FNDC3B: variants seen among roughly 807,000 people sequenced by gnomAD.
FNDC3B encodes fibronectin type III domain-containing protein 3B.
A neutral mutation model predicts 151.5 loss-of-function variants in FNDC3B; 12 were observed. The observed-to-expected ratio is 0.08, with a 90% CI of 0.05 to 0.13. FNDC3B has a LOEUF of 0.13. Ranked by LOEUF, FNDC3B falls within the 10% of genes least tolerant of loss-of-function variation. The pLI, the probability that FNDC3B is intolerant of heterozygous loss-of-function variation, is 1.00. For missense variants in FNDC3B, 1,214 were observed against 1,505.3 expected (o/e 0.81, Z 3.20); for synonymous variants, 528 against 549.0 (o/e 0.96, Z 0.54).
chr3:172,362,132 T>C (rs986391352), intron 22 of FNDC3B, among the ~76,000 whole-genome samples: 2 of 152,356 alleles, frequency 1.3e-5, no homozygotes, highest in African/African-American at 4.8e-5. Flanking sequence ...AATATCTGCA[T>C]GCTTAGCTCT....
chr3:172,359,190 AT>A (rs903832957), intron 22 of FNDC3B, among the ~76,000 whole-genome samples: 5 of 152,074 alleles, frequency 3.3e-5, no homozygotes, highest in South Asian at 4.1e-4. Context: ...TCAAATCTAA[AT>A]TTTTTTTATA....
intron 3 of FNDC3B, among the ~76,000 whole-genome samples, chr3:172,152,931 C>T (rs2108604926): frequency 6.6e-6 from 1 of 152,230 alleles, no homozygotes; most frequent in Middle Eastern, 3.4e-3. Context: ...TGAATCCATC[C>T]TGTGAGGTAT....
rs1219943605 is a variant in FNDC3B, at chr3:172,247,409, A to G, written c.265-124A>G. 3.0e-6 allele frequency: 3 copies of G among 1,006,672 alleles called. No individual in the cohort carries two copies. In the African/African-American group the frequency reaches 4.9e-5, roughly 16 times the overall value. 62.4% of individuals were successfully genotyped at this position (1,006,672 alleles called of 1,614,324 possible). On this transcript the variant is annotated intron_variant, in intron 4 of 25. Transcript: ENST00000415807. Reference sequence around the variant, plus strand: ...GGTTGAACTAGAGAACCAGAATACAACATGCATTTGTTTTTTTCTATGGTG... The same window carrying G: ...GGTTGAACTAGAGAACCAGAATACAGCATGCATTTGTTTTTTTCTATGGTG...
intron 2 of FNDC3B, chr3:172,126,929 G>A: frequency 2.4e-6 from 1 of 418,316 alleles, no homozygotes; most frequent in South Asian, 1.7e-5. Context: ...TCTGTGAATG[G>A]ATTCCTATAG....
chr3:172,325,906 C>A (rs1732318270), intron 11 of FNDC3B, among the ~76,000 whole-genome samples: 2 of 152,018 alleles, frequency 1.3e-5, no homozygotes, highest in Non-Finnish European at 2.9e-5. Flanking sequence ...TCACTGCAAC[C>A]TCTGCCTCCC....
chr3:172,255,735 G>T lies in FNDC3B; in HGVS notation c.790+4194G>T, dbSNP rs552250760. Among the ~76,000 whole-genome samples the T allele has an allele frequency of 4.6e-4, 70 of 152,304 alleles. No individual in the cohort carries two copies. In the Middle Eastern group the frequency reaches 0.01, roughly 22 times the overall value. ...GCTCTTTTAAGAAAGGTTGCCACTG[G>T]GTAGAAACGTACAGATACCTTGGGG... On this transcript the variant is annotated intron_variant, in intron 6 of 25. Coordinates refer to ENST00000415807, the MANE Select transcript of FNDC3B (RefSeq NM_022763.4).
intron 11 of FNDC3B, among the ~76,000 whole-genome samples, chr3:172,312,647 C>T (rs187112615): frequency 1.6e-4 from 24 of 151,796 alleles, no homozygotes; most frequent in Admixed American, 1.4e-3. Flanking sequence ...TATGTGCGTG[C>T]GTGCATGCAC....
chr3:172,247,473 T>C, intron 4 of FNDC3B, 60 bp from the exon 5 acceptor site: 1 of 1,530,082 alleles, frequency 6.5e-7, no homozygotes, highest in East Asian at 2.3e-5. Flanking sequence ...TTATTAATAC[T>C]ATATATATTC....
intron 1 of FNDC3B, among the ~76,000 whole-genome samples, chr3:172,069,080 TG>T (rs1430858910): frequency 6.6e-6 from 1 of 152,224 alleles, no homozygotes; most frequent in Non-Finnish European, 1.5e-5. Context: ...CATATTTTCC[TG>T]TCCTTCATTT....
At chr3:172,361,633 T>C (rs1320915957) in intron 22 of FNDC3B, among the ~76,000 whole-genome samples, 1 of 152,230 alleles carries the variant, frequency 6.6e-6, no homozygotes, top group Non-Finnish European at 1.5e-5. Flanking sequence ...GTTCCAGACT[T>C]TCCTGTCTTC....
intron 1 of FNDC3B, among the ~76,000 whole-genome samples, chr3:172,078,757 G>A (rs1245338285): frequency 6.6e-6 from 1 of 152,162 alleles, no homozygotes; most frequent in African/African-American, 2.4e-5. Context: ...CTTTCTGCCC[G>A]CTGCCACCCA....
At chr3:172,333,267 A>C in intron 14 of FNDC3B, 92 bp downstream of exon 14, 2 of 833,778 alleles carry the variant, frequency 2.4e-6, no homozygotes, top group South Asian at 1.4e-5. Flanking sequence ...TACAGGTTAA[A>C]AAATGAAGTT....
At chr3:172,236,652 A>C (rs1727180837) in intron 4 of FNDC3B, among the ~76,000 whole-genome samples, 1 of 152,132 alleles carries the variant, frequency 6.6e-6, no homozygotes, top group Admixed American at 6.5e-5. Context: ...TTAGCCCTCT[A>C]ACCAGGGAGG....
At chr3:172,227,852 G>A (rs1379407007) in intron 4 of FNDC3B, among the ~76,000 whole-genome samples, 1 of 152,110 alleles carries the variant, frequency 6.6e-6, no homozygotes, top group African/African-American at 2.4e-5. Context: ...CTCAGCCTCT[G>A]CTTTTAAAGT....
intron 11 of FNDC3B, among the ~76,000 whole-genome samples, chr3:172,318,339 C>A (rs1046959451): frequency 2.0e-5 from 3 of 152,228 alleles, no homozygotes; most frequent in Non-Finnish European, 2.9e-5. Flanking sequence ...AGCAGGTGGC[C>A]AGCCCCAGAT....
intron 8 of FNDC3B, among the ~76,000 whole-genome samples, chr3:172,296,705 C>T (rs958482902): frequency 4.4e-5 from 6 of 136,784 alleles, no homozygotes; most frequent in African/African-American, 8.4e-5. Context: ...TACAGAGTGC[C>T]ATGTCCCCCA....
In FNDC3B at chr3:172,187,334, T is replaced by C. The variant is rs1275200671; in HGVS notation, c.188-39537T>C. On this transcript the variant is annotated intron_variant, in intron 3 of 25. Coordinates refer to ENST00000415807, the MANE Select transcript of FNDC3B (RefSeq NM_022763.4). ...TCTTATTCATTGTGTAATAATAACG[T>C]ATAAAATAATTGCTTTATTTACATC... 6 of 152,248 alleles carry C rather than the reference T, an allele frequency of 3.9e-5. No individual in the cohort carries two copies. In the East Asian group the frequency reaches 1.2e-3, roughly 29 times the overall value. 9.4% of individuals were successfully genotyped at this position (152,248 alleles called of 1,614,324 possible). A position where few individuals can be genotyped will look rare whatever the true frequency, so the allele number is the denominator to read the frequency against.
intron 1 of FNDC3B, among the ~76,000 whole-genome samples, chr3:172,088,970 G>T (rs1045730492): frequency 6.6e-6 from 1 of 152,024 alleles, no homozygotes; most frequent in Non-Finnish European, 1.5e-5. Flanking sequence ...TAATATTCAG[G>T]GTTCTGTTTT....
chr3:172,236,381 A>G (rs1365462021), intron 4 of FNDC3B, among the ~76,000 whole-genome samples: 1 of 152,192 alleles, frequency 6.6e-6, no homozygotes, highest in East Asian at 1.9e-4. Flanking sequence ...TCATAGCTGA[A>G]GATTCCTCAG....
Sources: allele counts gnomAD v4.1 joint callset (sites outside exome capture counted in the v4.1 genomes callset), GRCh38; gene constraint gnomAD v4.1.1; transcripts MANE v1.5; gene names NCBI Gene and HGNC (gene_info 2026-07-23, HGNC 2026-07-21).